The following PABPC4L variants were observed in gnomAD, a reference collection of about 807,000 sequenced individuals.
PABPC4L encodes polyadenylate-binding protein 4-like.
For synonymous variants in PABPC4L, 169 were observed against 164.1 expected (o/e 1.03, Z -0.23); for missense variants, 452 against 451.4 (o/e 1.00, Z -0.01).
chr4:133,959,009 CT>C, the PABPC4L span, among the ~76,000 whole-genome samples: 1 of 152,202 alleles, frequency 6.6e-6, no homozygotes, highest in Non-Finnish European at 1.5e-5. Flanking sequence ...CTTCATCAAA[CT>C]TTGTGTAAAA....
the PABPC4L span, among the ~76,000 whole-genome samples, chr4:134,005,866 A>C: frequency 6.6e-6 from 1 of 151,734 alleles, no homozygotes; most frequent in Admixed American, 6.6e-5. Flanking sequence ...ATCCAAGCAA[A>C]CGACAGGGAA....
chr4:134,008,388 T>C, the PABPC4L span, among the ~76,000 whole-genome samples: 1 of 151,750 alleles, frequency 6.6e-6, no homozygotes, highest in Non-Finnish European at 1.5e-5. Flanking sequence ...TGTGGAAAAT[T>C]TGATTGTTGT....
the PABPC4L span, among the ~76,000 whole-genome samples, chr4:134,107,192 A>G: frequency 6.6e-6 from 1 of 151,350 alleles, no homozygotes; most frequent in Admixed American, 6.6e-5. Context: ...TCATAAATAC[A>G]TAAGAATTAT....
chr4:133,961,572 C>T, the PABPC4L span, among the ~76,000 whole-genome samples: 3 of 152,084 alleles, frequency 2.0e-5, no homozygotes, highest in South Asian at 2.1e-4. Flanking sequence ...GGATATAAAC[C>T]CCGGCACTTG....
the PABPC4L span, among the ~76,000 whole-genome samples, chr4:134,119,460 G>A: frequency 6.6e-6 from 1 of 151,542 alleles, no homozygotes; most frequent in African/African-American, 2.4e-5. Flanking sequence ...GGTGTGGGGG[G>A]AAATAATGTG....
At chr4:134,027,362 C>T in the PABPC4L span, among the ~76,000 whole-genome samples, 1 of 152,212 alleles carries the variant, frequency 6.6e-6, no homozygotes, top group East Asian at 1.9e-4. Flanking sequence ...GAAATTCCAG[C>T]CAACCCAGCT....
At chr4:134,100,456 A>G in the PABPC4L span, among the ~76,000 whole-genome samples, 1 of 151,636 alleles carries the variant, frequency 6.6e-6, no homozygotes, top group African/African-American at 2.4e-5. Flanking sequence ...TATTAAAAAA[A>G]TACGTTCATT....
At chr4:134,146,349 ATG>A in the PABPC4L span, among the ~76,000 whole-genome samples, 4 of 72,236 alleles carry the variant, frequency 5.5e-5, no homozygotes, top group African/African-American at 3.5e-4. Flanking sequence ...GTGATTTTTA[ATG>A]TTTTTTTCTA....
At chr4:134,024,045 T>A in the PABPC4L span, among the ~76,000 whole-genome samples, 1 of 152,178 alleles carries the variant, frequency 6.6e-6, no homozygotes. Flanking sequence ...CTGATTCATG[T>A]AAAAGCAAGT....
chr4:134,146,652 T>G, the PABPC4L span, among the ~76,000 whole-genome samples: 2 of 152,066 alleles, frequency 1.3e-5, no homozygotes, highest in Admixed American at 6.6e-5. Flanking sequence ...GAGTAGAATT[T>G]TATTGGGTGA....
At chr4:134,079,696 T>TGAGAGAGAGAGAGAGAGAAA in the PABPC4L span, among the ~76,000 whole-genome samples, 1 of 146,324 alleles carries the variant, frequency 6.8e-6, no homozygotes, top group East Asian at 2.0e-4. Context: ...TCTGTGTGTG[T>TGAGAGAGAGAGAGAGAGAAA]GAGAGAGAGA....
chr4:134,082,486 G>A, the PABPC4L span, among the ~76,000 whole-genome samples: 31 of 152,130 alleles, frequency 2.0e-4, no homozygotes, highest in African/African-American at 6.7e-4. Context: ...CTTGAGATTC[G>A]TTACTAGGAT....
At chr4:134,179,306 G>A in the PABPC4L span, among the ~76,000 whole-genome samples, 226 of 151,988 alleles carry the variant, frequency 1.5e-3, 1 homozygote, top group Admixed American at 2.5e-3. Flanking sequence ...AAGTAAAGAA[G>A]AAATAAGATC....
chr4:134,058,706 A>T, the PABPC4L span, among the ~76,000 whole-genome samples: 1 of 152,080 alleles, frequency 6.6e-6, no homozygotes, highest in Non-Finnish European at 1.5e-5. Flanking sequence ...AGAAAATACC[A>T]CTGGCCTTGA....
the PABPC4L span, among the ~76,000 whole-genome samples, chr4:134,142,693 G>A: frequency 6.6e-6 from 1 of 151,438 alleles, no homozygotes; most frequent in African/African-American, 2.4e-5. Flanking sequence ...GTGTAATTAA[G>A]GGATATATAA....
chr4:134,000,083 T>C, the PABPC4L span, among the ~76,000 whole-genome samples: 21 of 152,272 alleles, frequency 1.4e-4, no homozygotes, highest in Admixed American at 6.5e-4. Flanking sequence ...CACATGTGTT[T>C]ACATGGAAAT....
chr4:133,960,228 A>T, the PABPC4L span, among the ~76,000 whole-genome samples: 6 of 152,170 alleles, frequency 3.9e-5, no homozygotes, highest in Non-Finnish European at 8.8e-5. Context: ...GACCCAGGAG[A>T]CACCCTAAAT....
At chr4:133,986,186 G>A in the PABPC4L span, among the ~76,000 whole-genome samples, 1 of 151,936 alleles carries the variant, frequency 6.6e-6, no homozygotes, top group Non-Finnish European at 1.5e-5. Flanking sequence ...AAGGTAGCAG[G>A]TATTAAATGC....
At chr4:134,038,779 G>C in the PABPC4L span, among the ~76,000 whole-genome samples, 2 of 151,960 alleles carry the variant, frequency 1.3e-5, no homozygotes, top group Non-Finnish European at 2.9e-5. Flanking sequence ...CCAGCTCCTG[G>C]ATTCATTGAT....
Sources: allele counts gnomAD v4.1 joint callset (sites outside exome capture counted in the v4.1 genomes callset), GRCh38; gene constraint gnomAD v4.1.1; transcripts MANE v1.5; gene names NCBI Gene and HGNC (gene_info 2026-07-23, HGNC 2026-07-21).